The following FBXL17 variants were observed in gnomAD, a reference collection of about 807,000 sequenced individuals.
FBXL17 encodes the protein F-box/LRR-repeat protein 17.
A neutral mutation model predicts 66.2 loss-of-function variants in FBXL17; 22 were observed. The ratio of observed to expected loss-of-function variants is 0.33; its 90% CI spans 0.24 to 0.47. The LOEUF (loss-of-function observed/expected upper bound fraction) is 0.47. Ranked by LOEUF, FBXL17 falls within the 20% of genes least tolerant of loss-of-function variation. The probability of loss-of-function intolerance (pLI) is 1.00; values close to 1 mark genes in which losing one functional copy is unlikely to be tolerated. For synonymous variants in FBXL17, 474 were observed against 400.5 expected (o/e 1.18, Z -2.19); for missense variants, 878 against 948.2 (o/e 0.93, Z 0.97).
intron 3 of FBXL17, among the ~76,000 whole-genome samples, chr5:108,352,110 A>G (rs1434395326): frequency 1.3e-5 from 2 of 152,264 alleles, no homozygotes; most frequent in African/African-American, 4.8e-5. Context: ...TGTGGGGAAC[A>G]GTGCCTCACA....
At chr5:108,019,834 AC>A (rs1754521026) in intron 7 of FBXL17, among the ~76,000 whole-genome samples, 1 of 151,968 alleles carries the variant, frequency 6.6e-6, no homozygotes, top group Non-Finnish European at 1.5e-5. Context: ...TCAAAACACT[AC>A]TTTTACAAGG....
At chr5:107,905,147 C>T (rs2112538113) in intron 7 of FBXL17, among the ~76,000 whole-genome samples, 1 of 151,828 alleles carries the variant, frequency 6.6e-6, no homozygotes, top group Admixed American at 6.6e-5. Flanking sequence ...AAAATTATTG[C>T]TCTATAGTCT....
chr5:107,883,486 G>A (rs182595307), intron 7 of FBXL17, among the ~76,000 whole-genome samples: 2 of 152,024 alleles, frequency 1.3e-5, no homozygotes, highest in Non-Finnish European at 2.9e-5. Flanking sequence ...TGGGTGCGAC[G>A]TGGGGTAGAA....
chr5:108,032,634 T>C (rs1746687968), intron 6 of FBXL17, among the ~76,000 whole-genome samples: 1 of 152,170 alleles, frequency 6.6e-6, no homozygotes, highest in South Asian at 2.1e-4. Context: ...GGAATTCCTG[T>C]AGCTATCAGA....
chr5:108,190,251 C>T (rs1184570707), intron 5 of FBXL17, among the ~76,000 whole-genome samples: 1 of 152,206 alleles, frequency 6.6e-6, no homozygotes, highest in Non-Finnish European at 1.5e-5. Context: ...CTCACAAAAG[C>T]ACAGAGTGAG....
chr5:107,993,085 C>T (rs915463071), intron 7 of FBXL17, among the ~76,000 whole-genome samples: 3 of 151,974 alleles, frequency 2.0e-5, no homozygotes, highest in East Asian at 1.9e-4. Flanking sequence ...TTAGTAGAGA[C>T]GGGGTTTCAC....
At chr5:107,885,236 T>A (rs1164448260) in intron 7 of FBXL17, among the ~76,000 whole-genome samples, 1 of 152,228 alleles carries the variant, frequency 6.6e-6, no homozygotes, top group Non-Finnish European at 1.5e-5. Context: ...GAAAGTTAAA[T>A]TTTAAAAAAG....
At chr5:108,360,722 GT>G (rs945197040) in intron 3 of FBXL17, among the ~76,000 whole-genome samples, 3 of 152,022 alleles carry the variant, frequency 2.0e-5, no homozygotes, top group African/African-American at 7.2e-5. Flanking sequence ...AAATGTGAAT[GT>G]TTTTCTGCTT....
At chr5:108,061,286 C>CA (rs1460472033) in intron 6 of FBXL17, among the ~76,000 whole-genome samples, 19 of 148,846 alleles carry the variant, frequency 1.3e-4, no homozygotes, top group Admixed American at 2.0e-4. Context: ...AAACCCCATA[C>CA]AAAAAAAAGA....
intron 4 of FBXL17, chr5:108,299,916 C>T: frequency 1.4e-6 from 1 of 700,662 alleles, no homozygotes; most frequent in Non-Finnish European, 1.8e-6. Flanking sequence ...GTAAATAAAG[C>T]TCAATGTCCA....
intron 4 of FBXL17, among the ~76,000 whole-genome samples, chr5:108,250,644 A>C (rs1249903908): frequency 1.3e-5 from 2 of 152,134 alleles, no homozygotes; most frequent in Admixed American, 6.6e-5. Flanking sequence ...AAACACAGTA[A>C]AACATGTATT....
chr5:108,334,401 A>G (rs1281811284), intron 4 of FBXL17, among the ~76,000 whole-genome samples: 1 of 152,152 alleles, frequency 6.6e-6, no homozygotes, highest in Non-Finnish European at 1.5e-5. Flanking sequence ...CTGTCTAGTA[A>G]TGACTTCCCC....
intron 7 of FBXL17, among the ~76,000 whole-genome samples, chr5:107,987,484 C>T (rs780938348): frequency 2.6e-5 from 4 of 151,984 alleles, no homozygotes; most frequent in Non-Finnish European, 5.9e-5. Context: ...TTTATAAGTT[C>T]ATGTGTGCAC....
Position 108,278,782 on chromosome 5 carries a change from G to T in FBXL17, c.1507-54554C>A, listed in dbSNP as rs774441271. Among the ~76,000 whole-genome samples the T allele has an allele frequency of 3.3e-4, 50 of 152,204 alleles. 2 individuals are homozygous for T. The highest frequency in any genetic ancestry group is 6.0e-4 in the Non-Finnish European group (41 of 68,026). On this transcript the variant is annotated intron_variant, in intron 4 of 8. Transcript: ENST00000542267. ...TAGCCACCACTCACCCAAGCATTCT[G>T]CCAGGGGCCTGAGAACTGCATGGCC...
intron 4 of FBXL17, among the ~76,000 whole-genome samples, chr5:108,246,683 G>A (rs1756112720): frequency 6.6e-6 from 1 of 152,162 alleles, no homozygotes; most frequent in Non-Finnish European, 1.5e-5. Flanking sequence ...ATCTCCCATT[G>A]AGTTGTAAGG....
chr5:108,224,743 C>T (rs1281684027), intron 4 of FBXL17, among the ~76,000 whole-genome samples: 1 of 151,972 alleles, frequency 6.6e-6, no homozygotes, highest in Admixed American at 6.6e-5. Context: ...AAGCATGCAT[C>T]ACCACACCCA....
At chr5:108,170,647 CCTCAG>C (rs966221056) in intron 6 of FBXL17, among the ~76,000 whole-genome samples, 33 of 152,224 alleles carry the variant, frequency 2.2e-4, no homozygotes, top group African/African-American at 7.2e-4. Flanking sequence ...AATTCTCCTG[CCTCAG>C]CTTCCCAAGT....
intron 6 of FBXL17, among the ~76,000 whole-genome samples, chr5:108,142,988 A>ATAATAATAATAAT (rs959920725): frequency 6.7e-6 from 1 of 150,202 alleles, no homozygotes; most frequent in Non-Finnish European, 1.5e-5. Flanking sequence ...TATAATAATA[A>ATAATAATAATAAT]TAATAATAAT....
chr5:108,307,170 T>C (rs1201968613), intron 4 of FBXL17, among the ~76,000 whole-genome samples: 1 of 152,122 alleles, frequency 6.6e-6, no homozygotes, highest in African/African-American at 2.4e-5. Context: ...TTGTATTATA[T>C]TGATATATAT....
Sources: allele counts gnomAD v4.1 joint callset (sites outside exome capture counted in the v4.1 genomes callset), GRCh38; gene constraint gnomAD v4.1.1; transcripts MANE v1.5; gene names NCBI Gene and HGNC (gene_info 2026-07-23, HGNC 2026-07-21).